The following NDRG1 variants were observed in gnomAD, a reference collection of about 807,000 sequenced individuals.
NDRG1 encodes protein NDRG1.
Under a neutral mutation model 56.9 loss-of-function variants are expected in NDRG1, and 32 were observed. That is an observed-to-expected ratio of 0.56 (90% CI 0.42 to 0.76). The LOEUF (loss-of-function observed/expected upper bound fraction) is 0.76, where lower values mean the gene tolerates loss of function less well. NDRG1 is among the 30% of genes least tolerant of loss of function. NDRG1 has a pLI of 0.00. For missense variants in NDRG1, 507 were observed against 545.7 expected (o/e 0.93, Z 0.71); for synonymous variants, 211 against 204.1 (o/e 1.03, Z -0.29).
chr8:133,260,615 G>A (rs1023533337), intron 5 of NDRG1, among the ~76,000 whole-genome samples: 7 of 152,230 alleles, frequency 4.6e-5, no homozygotes, highest in Admixed American at 1.3e-4. Flanking sequence ...AAAGATTTAC[G>A]GACACACCTC....
chr8:133,296,704 C>G (rs1586514109), intron 1 of NDRG1: 2 of 228,072 alleles, frequency 8.8e-6, no homozygotes, highest in South Asian at 2.9e-5. Flanking sequence ...GACACACACA[C>G]ACACACACAC....
intron 3 of NDRG1, 136 bp from the exon 4 acceptor site, chr8:133,264,788 G>A: frequency 1.3e-6 from 1 of 752,352 alleles, no homozygotes; most frequent in South Asian, 1.5e-5. Flanking sequence ...CCGGCTTCGG[G>A]CAGCAGCTCT....
chr8:133,262,413 A>T (rs190744615), intron 4 of NDRG1, among the ~76,000 whole-genome samples: 1 of 152,198 alleles, frequency 6.6e-6, no homozygotes, highest in Non-Finnish European at 1.5e-5. Context: ...TGAGTCTTGC[A>T]GTTGGTGCTG....
chr8:133,295,181 G>A (rs1414270885), intron 1 of NDRG1, among the ~76,000 whole-genome samples: 3 of 152,082 alleles, frequency 2.0e-5, no homozygotes, highest in South Asian at 2.1e-4. Flanking sequence ...CTATTACCTC[G>A]CCCGAAACTC....
intron 1 of NDRG1, among the ~76,000 whole-genome samples, chr8:133,293,782 A>C (rs1858569222): frequency 6.6e-6 from 1 of 152,182 alleles, no homozygotes; most frequent in African/African-American, 2.4e-5. Context: ...CCTGATGGAG[A>C]GAGAATCGCA....
chr8:133,265,699 C>A (rs1369326608), intron 3 of NDRG1, among the ~76,000 whole-genome samples: 264 of 146,928 alleles, frequency 1.8e-3, no homozygotes, highest in African/African-American at 5.7e-3. Context: ...CTCTGGAAAA[C>A]AAAAAAAAAA....
chr8:133,259,400 C>T, intron 5 of NDRG1, 170 bp from the exon 6 acceptor site: 2 of 685,206 alleles, frequency 2.9e-6, no homozygotes, highest in Non-Finnish European at 5.3e-6. Flanking sequence ...CCCTGCAGCA[C>T]ACTCTATCAA....
intron 13 of NDRG1, among the ~76,000 whole-genome samples, chr8:133,245,860 C>T (rs1252894113): frequency 6.6e-6 from 1 of 152,202 alleles, no homozygotes; most frequent in Non-Finnish European, 1.5e-5. Context: ...GAGCCCAATA[C>T]AGGAAAACAG....
intron 1 of NDRG1, chr8:133,296,421 G>A (rs1372312016): frequency 6.6e-6 from 3 of 454,096 alleles, no homozygotes; most frequent in East Asian, 7.1e-5. Flanking sequence ...CTGCCCAGTG[G>A]CGCTCGCAGA....
intron 8 of NDRG1, 86 bp downstream of exon 8, chr8:133,256,691 G>C: frequency 7.7e-7 from 1 of 1,303,518 alleles, no homozygotes; most frequent in South Asian, 1.2e-5. Context: ...AGAGCTCGTA[G>C]CTCCAGGGAT....
chr8:133,264,754 T>C, intron 3 of NDRG1, 102 bp from the exon 4 acceptor site: 1 of 991,450 alleles, frequency 1.0e-6, no homozygotes, highest in Non-Finnish European at 1.6e-6. Context: ...GAGGAAGCTC[T>C]CTTCTCATCT....
intron 8 of NDRG1, among the ~76,000 whole-genome samples, chr8:133,256,466 G>C (rs923330464): frequency 6.6e-6 from 1 of 152,142 alleles, no homozygotes; most frequent in Non-Finnish European, 1.5e-5. Context: ...CCAAAGCCTG[G>C]CACAAGTTAT....
intron 1 of NDRG1, among the ~76,000 whole-genome samples, chr8:133,286,459 C>T (rs1310784468): frequency 1.3e-5 from 2 of 152,206 alleles, no homozygotes; most frequent in Non-Finnish European, 2.9e-5. Context: ...CCACCTTCCC[C>T]GTTTCCTCTA....
chr8:133,255,048 A>C (rs1364523009), intron 8 of NDRG1: 1 of 338,670 alleles, frequency 3.0e-6, no homozygotes, highest in Non-Finnish European at 5.8e-6. Context: ...AAGTATACTG[A>C]TATTACCAAA....
At chr8:133,271,708 A>C (rs1442399465) in intron 3 of NDRG1, among the ~76,000 whole-genome samples, 2 of 131,220 alleles carry the variant, frequency 1.5e-5, no homozygotes, top group African/African-American at 2.8e-5. Flanking sequence ...TGAGCCCAGG[A>C]GGTCACAGTT....
chr8:133,288,041 TCA>T (rs776787372), intron 1 of NDRG1, among the ~76,000 whole-genome samples: 2 of 152,112 alleles, frequency 1.3e-5, no homozygotes, highest in South Asian at 2.1e-4. Flanking sequence ...ATTCTCACAT[TCA>T]CACACTTATA....
chr8:133,248,609 CT>C, intron 11 of NDRG1, 105 bp downstream of exon 11: 1 of 1,330,490 alleles, frequency 7.5e-7, no homozygotes, highest in Non-Finnish European at 1.1e-6. Context: ...CCAGGTCTCA[CT>C]GACACAATGT....
intron 3 of NDRG1, among the ~76,000 whole-genome samples, chr8:133,273,985 C>G (rs1857329798): frequency 6.6e-6 from 1 of 152,222 alleles, no homozygotes; most frequent in South Asian, 2.1e-4. Flanking sequence ...CAGACCGTGT[C>G]CTTCCTGCAA....
rs71526278 is a variant in NDRG1, at chr8:133,247,565, A to G, written c.807+310T>C. Among the ~76,000 whole-genome samples the G allele has an allele frequency of 0.099, 15,039 of 152,304 alleles. 1,038 individuals carry two copies. Among genetic ancestry groups the G allele is most frequent in the Non-Finnish European group, 0.15 (10,005 of 68,024 alleles). On this transcript the variant is annotated intron_variant, in intron 12 of 15. Transcript: ENST00000323851. ...TTGGAAAGATCCAGCTGCTTCCCAA[A>G]TAAGAGGTGAGTCTCTTGGCCAGGA...
Sources: gnomAD v4.1 joint callset for allele counts (sites outside exome capture counted in the v4.1 genomes callset) on GRCh38, gnomAD v4.1.1 for gene constraint, MANE v1.5 for transcripts, NCBI Gene and HGNC (gene_info 2026-07-23, HGNC 2026-07-21) for gene names.